Variants in OSBPL5 observed in about 807,000 individuals in gnomAD.
The protein encoded by OSBPL5 is oxysterol binding protein like 5.
In OSBPL5, 71 loss-of-function variants were observed where a neutral mutation model predicts 111.2. The ratio of observed to expected loss-of-function variants is 0.64; its 90% CI spans 0.53 to 0.78. The LOEUF (loss-of-function observed/expected upper bound fraction) is 0.78, where lower values mean the gene tolerates loss of function less well. OSBPL5 is among the 30% of genes least tolerant of loss of function. OSBPL5 has a pLI of 0.00. For synonymous variants in OSBPL5, 549 were observed against 513.9 expected (o/e 1.07, Z -0.93); for missense variants, 1,210 against 1,189.3 (o/e 1.02, Z -0.26).
rs1279384370 is a variant in OSBPL5 at position 3,154,300 on chromosome 11, G to C, written c.-22+10916C>G. Among the ~76,000 whole-genome samples the C allele has an allele frequency of 6.6e-6, 1 of 152,230 alleles. No homozygotes were observed. The highest frequency in any genetic ancestry group is 2.4e-5 in the African/African-American group (1 of 41,462). ...GTAGGTAGCAGGATGTGTCGTAGAG[G>C]GCTTGCTGACCCCAAACATGCCGAG... is the stretch of plus-strand genomic sequence containing the variant. On this transcript the variant is annotated intron_variant, in intron 1 of 21. Coordinates refer to ENST00000263650, the MANE Select transcript of OSBPL5 (RefSeq NM_020896.4). The surrounding 1 kb of genome is among the most constrained non-coding windows in gnomAD (Gnocchi z 4.9).
intron 2 of OSBPL5, among the ~76,000 whole-genome samples, chr11:3,127,848 C>T (rs373121654): frequency 4.6e-5 from 7 of 152,190 alleles, no homozygotes; most frequent in South Asian, 4.1e-4. Context: ...ACCCCACTCC[C>T]TTGGCCTGGG....
At chr11:3,120,300 C>T (rs34752531) in intron 6 of OSBPL5, 121 bp downstream of exon 6, 6 of 1,243,600 alleles carry the variant, frequency 4.8e-6, no homozygotes, top group Middle Eastern at 1.9e-4. Context: ...GAAGGTGAGA[C>T]ACCTGCTCAA....
Position 3,114,836 on chromosome 11 carries a change from C to T in OSBPL5, c.691+4711G>A, listed in dbSNP as rs189846737. Among the ~76,000 whole-genome samples the T allele has an allele frequency of 5.1e-3, 771 of 152,030 alleles. 10 individuals are homozygous for T. The highest frequency in any genetic ancestry group is 0.016 in the African/African-American group (684 of 41,458). On this transcript the variant is annotated intron_variant, in intron 7 of 21. Transcript: ENST00000263650. The stretch of plus-strand genomic sequence containing the variant: ...CAGGATGGTCTTGATCTCCTGACTT[C>T]GTGATCCTCCTGCCTCGGCCTCCCA...
At chr11:3,103,140 G>T in intron 11 of OSBPL5, 99 bp downstream of exon 11, 2 of 1,042,276 alleles carry the variant, frequency 1.9e-6, no homozygotes, top group East Asian at 2.7e-5. Context: ...ATGTGGGGTA[G>T]GGGGTGGCCC....
Position 3,162,202 on chromosome 11 carries a change from C to T in OSBPL5, c.-22+3014G>A, listed in dbSNP as rs1310536097. The stretch of plus-strand genomic sequence containing the variant: ...CACGAAAGGGGAGCCTACTAGGTAG[C>T]TGATGTGGAGCTCCAGGCAAGAGCT... On this transcript the variant is annotated intron_variant, in intron 1 of 21. Transcript: ENST00000263650. The surrounding 1 kb of genome is among the most constrained non-coding windows in gnomAD (Gnocchi z 8.1). Among the ~76,000 whole-genome samples, 2 of 152,040 alleles carry T rather than the reference C, an allele frequency of 1.3e-5. No individual in the cohort carries two copies. The highest frequency in any genetic ancestry group is 3.8e-4 in the East Asian group (2 of 5,196).
chr11:3,090,694 C>A lies in OSBPL5; in HGVS notation c.2262G>T (p.Arg754Ser). 6.2e-7 allele frequency: 1 copy of A among 1,610,480 alleles called. No homozygotes were observed. Among genetic ancestry groups the A allele is most frequent in the Non-Finnish European group, 8.5e-7 (1 of 1,179,124 alleles). The stretch of plus-strand genomic sequence containing the variant: ...TGCGAAGCCGCTGGTCTGGGCCAGA[C>A]CTCTGCAGAGAAATGGAGCTGCTGC... ...FLGSPGPRHE[R>S]SGPDQRLRKA... is the part of the protein sequence containing the mutation. The change falls in exon 20 of 22, where the codon AGG becomes AGT. Residue 754 changes from arginine (R) to serine (S), a missense_variant and splice_region_variant. Physicochemically the swap from Arg to Ser is moderately radical, Grantham distance 110. Transcript: ENST00000263650.
At chr11:3,100,359 A>G in intron 13 of OSBPL5, 103 bp from the exon 14 acceptor site, 2 of 945,942 alleles carry the variant, frequency 2.1e-6, no homozygotes, top group South Asian at 1.4e-5. Context: ...ACAGCTGAAC[A>G]CGCTCCTGGC....
intron 7 of OSBPL5, among the ~76,000 whole-genome samples, chr11:3,111,750 A>C (rs1857946200): frequency 1.3e-5 from 2 of 152,104 alleles, no homozygotes; most frequent in Non-Finnish European, 2.9e-5. Flanking sequence ...AAGAGGAAAG[A>C]TTTTGATTTT....
chr11:3,107,714 C>A lies in OSBPL5; in HGVS notation c.866+57G>T. 6.3e-7 allele frequency: 1 copy of A among 1,586,674 alleles called. No homozygotes were observed. ...TGGGGCTGTCCTCTCCCCTCTTCCT[C>A]GCCTACAAGGAGACCCCGTGAATCA... On this transcript the variant is annotated intron_variant, in intron 8 of 21. Transcript: ENST00000263650. The surrounding 1 kb of genome is among the most constrained non-coding windows in gnomAD (Gnocchi z 6.1).
At chr11:3,112,124 T>C (rs28869549) in intron 7 of OSBPL5, among the ~76,000 whole-genome samples, 65,790 of 148,364 alleles carry the variant, frequency 0.44, 16,114 homozygotes, top group East Asian at 0.81. Flanking sequence ...TGTGTGTGTG[T>C]GCGCATATGT....
At chr11:3,089,591 A>T (rs568776235) in intron 21 of OSBPL5, among the ~76,000 whole-genome samples, 28 of 152,250 alleles carry the variant, frequency 1.8e-4, no homozygotes, top group Non-Finnish European at 1.5e-4. Context: ...AGGCTTCAGG[A>T]CATCTCCAGC....
At chr11:3,129,864 G>T (rs1313397778) in intron 1 of OSBPL5, among the ~76,000 whole-genome samples, 1 of 152,194 alleles carries the variant, frequency 6.6e-6, no homozygotes. Flanking sequence ...CTTCCTTGCT[G>T]CTTCACAAAA....
chr11:3,107,656 T>C lies in OSBPL5; in HGVS notation c.866+115A>G. 6.9e-7 allele frequency: 1 copy of C among 1,449,708 alleles called. No individual in the cohort carries two copies. The highest frequency in any genetic ancestry group is 1.4e-5 in the African/African-American group (1 of 71,754). The allele number at this position is 1,449,708 out of a possible 1,614,324, so 89.8% of individuals were successfully genotyped here. A position where few individuals can be genotyped will look rare whatever the true frequency, so the allele number is the denominator to read the frequency against. On this transcript the variant is annotated intron_variant, in intron 8 of 21. Coordinates refer to ENST00000263650, the MANE Select transcript of OSBPL5 (RefSeq NM_020896.4). This position sits in a 1 kb window ranked among gnomAD's most constrained non-coding sequence, Gnocchi z 6.1. ...GGGCACACTGCAGCGAACAAGTCCCTGCGTGCAGCCTGCAGCCCACCAGAG... is the reference window on the plus strand; with the variant it reads ...GGGCACACTGCAGCGAACAAGTCCCCGCGTGCAGCCTGCAGCCCACCAGAG...
At position 3,113,331 on chromosome 11, in the gene OSBPL5, G is replaced by T. The variant is rs1048600366; in HGVS notation, c.692-5386C>A. Among the ~76,000 whole-genome samples, 1 of 151,642 alleles carries T rather than the reference G, an allele frequency of 6.6e-6. No homozygotes were observed. Among genetic ancestry groups the T allele is most frequent in the Non-Finnish European group, 1.5e-5 (1 of 68,012 alleles). Reference sequence around the variant, plus strand: ...CATGAGGTGTCAAAATTTGGCATAGGAGTTACGAAACTATAAACCCAGCCC... The same window carrying T: ...CATGAGGTGTCAAAATTTGGCATAGTAGTTACGAAACTATAAACCCAGCCC... On this transcript the variant is annotated intron_variant, in intron 7 of 21. Transcript: ENST00000263650. The surrounding 1 kb of genome is among the most constrained non-coding windows in gnomAD (Gnocchi z 4.8).
chr11:3,089,132 C>A (rs1044145427), intron 21 of OSBPL5, among the ~76,000 whole-genome samples: 4 of 152,220 alleles, frequency 2.6e-5, no homozygotes, highest in South Asian at 2.1e-4. Flanking sequence ...CAGGGAGCAC[C>A]TTCTGGAAAT....
chr11:3,141,107 A>AAAC lies in OSBPL5; in HGVS notation c.-21-11941_-21-11939dup, dbSNP rs60872252. Among the ~76,000 whole-genome samples the AAAC allele has an allele frequency of 0.29, 43,391 of 151,880 alleles. 6,658 individuals carry two copies. Among genetic ancestry groups the AAAC allele is most frequent in the African/African-American group, 0.41 (17,064 of 41,344 alleles). ...AGGAATAAAAACCACCTAACAACAG[A>AAAC]AACAACGTCAACCCATAAAGCCTCA... On this transcript the variant is annotated intron_variant, in intron 1 of 21. Transcript: ENST00000263650. The surrounding 1 kb of genome is among the most constrained non-coding windows in gnomAD (Gnocchi z 6.5).
Position 3,104,341 on chromosome 11 carries a change from C to T in OSBPL5, c.1096G>A (p.Glu366Lys), listed in dbSNP as rs1857624429. Residue 366 changes from glutamate to lysine, a missense_variant, in exon 10 of 22, where the codon GAG (glutamate) becomes AAG (lysine). Transcript: ENST00000263650. This position sits in a 1 kb window ranked among gnomAD's most constrained non-coding sequence, Gnocchi z 5.0. ...EASQVETVSEENKSLMWTLLK... is the reference protein window; with the variant it reads ...EASQVETVSEKNKSLMWTLLK... ...AGGGTCCACATCAGACTCTTGTTCT[C>T]CTCTGACACTGTCTCCACCTGGGAC... 1 of 1,612,950 alleles carries T rather than the reference C, an allele frequency of 6.2e-7. No individual in the cohort carries two copies. Among genetic ancestry groups the T allele is most frequent in the South Asian group, 1.1e-5 (1 of 91,066 alleles).
intron 7 of OSBPL5, among the ~76,000 whole-genome samples, chr11:3,117,862 C>CTT (rs1358963319): frequency 1.3e-5 from 2 of 152,194 alleles, no homozygotes; most frequent in Admixed American, 6.5e-5. Context: ...CAGCAACCTA[C>CTT]TTACATACAT....
chr11:3,103,037 C>T (rs1205934319), intron 11 of OSBPL5, among the ~76,000 whole-genome samples: 1 of 152,168 alleles, frequency 6.6e-6, no homozygotes, highest in Non-Finnish European at 1.5e-5. Flanking sequence ...CCGGCCTGAG[C>T]CATCCAGGGC....
Sources: allele counts gnomAD v4.1 joint callset (sites outside exome capture counted in the v4.1 genomes callset), GRCh38; gene constraint gnomAD v4.1.1; non-coding constraint Gnocchi (gnomAD v3.1); transcripts MANE v1.5; gene names NCBI Gene and HGNC (gene_info 2026-07-23, HGNC 2026-07-21).